The following STK32A variants were observed in gnomAD, a reference collection of about 807,000 sequenced individuals.
STK32A encodes serine/threonine kinase 32A.
Under a neutral mutation model 53.2 loss-of-function variants are expected in STK32A, and 41 were observed. The observed-to-expected ratio is 0.77, with a 90% CI of 0.60 to 1.00. STK32A has a LOEUF of 1.00. Among genes scored for constraint, STK32A ranks in the 50% least tolerant of loss-of-function variants. The probability of loss-of-function intolerance (pLI) is 0.00; values close to 1 mark genes in which losing one functional copy is unlikely to be tolerated. For synonymous variants in STK32A, 166 were observed against 162.8 expected (o/e 1.02, Z -0.15); for missense variants, 458 against 485.8 (o/e 0.94, Z 0.54).
chr5:147,238,524 T>C (rs1158842509), intron 1 of STK32A, among the ~76,000 whole-genome samples: 2 of 152,206 alleles, frequency 1.3e-5, no homozygotes, highest in Admixed American at 6.5e-5. Flanking sequence ...AGCAAAGCCG[T>C]AGTTTTCAGG....
intron 4 of STK32A, among the ~76,000 whole-genome samples, chr5:147,323,288 C>G (rs1034417775): frequency 9.2e-5 from 14 of 152,346 alleles, no homozygotes; most frequent in Non-Finnish European, 1.5e-4. Flanking sequence ...CACCATTCCT[C>G]AAAATTGAGC....
chr5:147,333,952 T>G (rs1009839959), intron 5 of STK32A, among the ~76,000 whole-genome samples: 3 of 152,214 alleles, frequency 2.0e-5, no homozygotes, highest in Non-Finnish European at 2.9e-5. Context: ...CTTTAAATTT[T>G]GTTAAATAGG....
At chr5:147,252,893 C>T (rs949702378) in intron 2 of STK32A, among the ~76,000 whole-genome samples, 26 of 152,102 alleles carry the variant, frequency 1.7e-4, no homozygotes, top group African/African-American at 5.1e-4. Context: ...CTTTTGTATC[C>T]TTAGCACCTA....
In STK32A at chr5:147,387,666, A is replaced by G. The variant is rs1757708495; in HGVS notation, c.*3683A>G. The G allele has an allele frequency of 6.6e-6, 1 of 152,234 alleles. No individual in the cohort carries two copies. 9.4% of individuals were successfully genotyped at this position (152,234 alleles called of 1,614,324 possible). ...TGCTATCTGTCTGTGATTCCTGTTT[A>G]TTACAAATTCAGTGTGTCTGACTGA... On this transcript the variant is annotated 3_prime_UTR_variant, in exon 13 of 13. Coordinates refer to ENST00000397936, the MANE Select transcript of STK32A (RefSeq NM_001112724.2).
chr5:147,389,409 C>T (rs1236625246), downstream of STK32A, among the ~76,000 whole-genome samples: 2 of 152,092 alleles, frequency 1.3e-5, no homozygotes, highest in Non-Finnish European at 2.9e-5. Flanking sequence ...CCGGTGTGGC[C>T]AATTGGTCCC....
chr5:147,257,222 A>G (rs1754274257), intron 2 of STK32A, among the ~76,000 whole-genome samples: 1 of 150,232 alleles, frequency 6.7e-6, no homozygotes, highest in African/African-American at 2.4e-5. Flanking sequence ...CATTGGACCA[A>G]CTACAGCATA....
chr5:147,247,822 A>G (rs1753820693), intron 2 of STK32A, among the ~76,000 whole-genome samples: 1 of 152,190 alleles, frequency 6.6e-6, no homozygotes, highest in Non-Finnish European at 1.5e-5. Context: ...TTTCCAATCA[A>G]TAAAAAGTGT....
intron 8 of STK32A, among the ~76,000 whole-genome samples, chr5:147,365,394 T>G (rs1756696415): frequency 6.6e-6 from 1 of 152,194 alleles, no homozygotes; most frequent in Admixed American, 6.5e-5. Context: ...ATATTCAAAT[T>G]TGGATAAGTT....
chr5:147,366,831 G>A (rs1272373407), intron 8 of STK32A, among the ~76,000 whole-genome samples: 4 of 150,138 alleles, frequency 2.7e-5, no homozygotes, highest in African/African-American at 7.3e-5. Flanking sequence ...ATAGATAGAT[G>A]TGTTGTTTTA....
intron 4 of STK32A, among the ~76,000 whole-genome samples, chr5:147,303,223 C>T (rs1753226915): frequency 6.6e-6 from 1 of 152,140 alleles, no homozygotes; most frequent in South Asian, 2.1e-4. Context: ...CAAACTGCCC[C>T]AAAACTTATT....
At chr5:147,395,612 G>A in the STK32A span, 1 of 1,614,078 alleles carries the variant, frequency 6.2e-7, no homozygotes, top group South Asian at 1.1e-5. Context: ...GTTCGGCCGA[G>A]TAGGAGAGCC....
At chr5:147,309,338 G>A (rs562758331) in intron 4 of STK32A, among the ~76,000 whole-genome samples, 1 of 152,254 alleles carries the variant, frequency 6.6e-6, no homozygotes, top group African/African-American at 2.4e-5. Context: ...GAATGAAGGT[G>A]GTCAGAGTAT....
intron 4 of STK32A, among the ~76,000 whole-genome samples, chr5:147,315,073 A>G (rs1301612334): frequency 6.6e-6 from 1 of 152,164 alleles, no homozygotes; most frequent in East Asian, 1.9e-4. Context: ...ATGGGAAATA[A>G]CAAGTGTTGG....
intron 2 of STK32A, among the ~76,000 whole-genome samples, chr5:147,241,449 A>C (rs1005910070): frequency 6.6e-6 from 1 of 152,070 alleles, no homozygotes; most frequent in Non-Finnish European, 1.5e-5. Flanking sequence ...ACTGCACTCC[A>C]GCCTGGGCGA....
intron 4 of STK32A, among the ~76,000 whole-genome samples, chr5:147,309,156 G>A (rs1328884659): frequency 6.6e-6 from 1 of 152,114 alleles, no homozygotes; most frequent in African/African-American, 2.4e-5. Context: ...CAGGGCACAG[G>A]TGAATGAGCT....
At chr5:147,252,733 A>G (rs530434538) in intron 2 of STK32A, among the ~76,000 whole-genome samples, 4 of 152,158 alleles carry the variant, frequency 2.6e-5, no homozygotes, top group Admixed American at 2.0e-4. Flanking sequence ...TTGCAACCCC[A>G]TCTCCATTCT....
chr5:147,326,530 A>G (rs965142301), intron 5 of STK32A, among the ~76,000 whole-genome samples: 31 of 152,206 alleles, frequency 2.0e-4, no homozygotes, highest in African/African-American at 7.2e-4. Context: ...CATTTGGTGT[A>G]TAATTAATTC....
chr5:147,317,142 CCAA>C (rs1561715279), intron 4 of STK32A, among the ~76,000 whole-genome samples: 1 of 42,360 alleles, frequency 2.4e-5, no homozygotes. Flanking sequence ...AATAGTTTTG[CCAA>C]AAAAAAAAAA....
chr5:147,236,635 C>A, intron 1 of STK32A, among the ~76,000 whole-genome samples: 1 of 152,058 alleles, frequency 6.6e-6, no homozygotes. Flanking sequence ...ACTAAACGAC[C>A]ACCCAGTGGT....
Sources: allele counts gnomAD v4.1 joint callset (sites outside exome capture counted in the v4.1 genomes callset), GRCh38; gene constraint gnomAD v4.1.1; transcripts MANE v1.5; gene names NCBI Gene and HGNC (gene_info 2026-07-23, HGNC 2026-07-21).